The following PDE4D variants were observed in gnomAD, a reference collection of about 807,000 sequenced individuals.
The protein encoded by PDE4D is phosphodiesterase 4D, also known as 3',5'-cyclic-AMP phosphodiesterase 4D.
A neutral mutation model predicts 87.4 loss-of-function variants in PDE4D; 24 were observed. The observed-to-expected ratio is 0.27, with a 90% CI of 0.20 to 0.39. The LOEUF (loss-of-function observed/expected upper bound fraction) is 0.39, where lower values mean the gene tolerates loss of function less well. Ranked by LOEUF, PDE4D falls within the 10% of genes least tolerant of loss-of-function variation. The pLI is 1.00. For synonymous variants in PDE4D, 384 were observed against 383.2 expected (o/e 1.00, Z -0.02); for missense variants, 714 against 1,041.0 (o/e 0.69, Z 4.32).
intron 5 of PDE4D, among the ~76,000 whole-genome samples, chr5:59,117,495 T>A (rs1382543504): frequency 1.3e-5 from 2 of 152,026 alleles, no homozygotes; most frequent in Non-Finnish European, 2.9e-5. Context: ...GAGTGTTTGT[T>A]CCTTTTTATT....
intron 3 of PDE4D, among the ~76,000 whole-genome samples, chr5:59,971,458 T>C (rs1219342407): frequency 6.6e-6 from 1 of 151,988 alleles, no homozygotes; most frequent in Non-Finnish European, 1.5e-5. Flanking sequence ...AGCACTTATA[T>C]AGGAAGAATA....
chr5:60,252,032 G>A (rs1278167464), intron 1 of PDE4D, among the ~76,000 whole-genome samples: 2 of 151,918 alleles, frequency 1.3e-5, no homozygotes, highest in Non-Finnish European at 2.9e-5. Flanking sequence ...TGCCCACAGT[G>A]TTCAGTGCAG....
chr5:60,098,710 G>T (rs1008322559), intron 2 of PDE4D, among the ~76,000 whole-genome samples: 1 of 151,974 alleles, frequency 6.6e-6, no homozygotes, highest in Non-Finnish European at 1.5e-5. Context: ...CATGCCTTAT[G>T]CAAATAGAGA....
intron 1 of PDE4D, among the ~76,000 whole-genome samples, chr5:60,485,674 G>A (rs530676230): frequency 6.6e-6 from 1 of 150,780 alleles, no homozygotes; most frequent in African/African-American, 2.5e-5. Flanking sequence ...ATTGAGAGGA[G>A]TGGATAGAAG....
chr5:59,120,613 A>G (rs567291966), intron 5 of PDE4D, among the ~76,000 whole-genome samples: 4 of 152,270 alleles, frequency 2.6e-5, no homozygotes, highest in African/African-American at 9.6e-5. Context: ...GCTCAAAGCA[A>G]TCTACAGATT....
At chr5:59,216,031 G>A (rs1009390628) in intron 1 of PDE4D, 63 bp from the exon 2 acceptor site, 17 of 1,230,888 alleles carry the variant, frequency 1.4e-5, no homozygotes, top group Non-Finnish European at 1.9e-5. Flanking sequence ...TTTTCAAAAA[G>A]CATTTAGCGT....
At chr5:59,569,912 TG>T (rs992554972) in intron 1 of PDE4D, among the ~76,000 whole-genome samples, 2 of 152,222 alleles carry the variant, frequency 1.3e-5, no homozygotes, top group African/African-American at 4.8e-5. Context: ...CTCTTTATTT[TG>T]GGTTATTCTG....
intron 1 of PDE4D, among the ~76,000 whole-genome samples, chr5:60,285,462 C>CA (rs938636688): frequency 2.2e-3 from 315 of 144,316 alleles, no homozygotes; most frequent in African/African-American, 5.0e-3. Flanking sequence ...AAAGAACAAA[C>CA]AAAAAAAAAA....
chr5:59,085,175 G>T (rs1767443828), intron 5 of PDE4D, among the ~76,000 whole-genome samples: 1 of 152,054 alleles, frequency 6.6e-6, no homozygotes, highest in African/African-American at 2.4e-5. Flanking sequence ...TTTAATAATA[G>T]AAAATTGCTT....
chr5:59,311,565 C>G (rs1158613975), intron 1 of PDE4D, among the ~76,000 whole-genome samples: 1 of 150,516 alleles, frequency 6.6e-6, no homozygotes, highest in African/African-American at 2.4e-5. Context: ...GGACTCTTTC[C>G]TCTTCCTTAC....
At position 60,079,889 on chromosome 5, in the gene PDE4D, A is replaced by C. The variant is rs549255537; in HGVS notation, c.43-91172T>G. 2.6e-5 allele frequency among the ~76,000 whole-genome samples: 4 copies of C among 152,238 alleles called. No homozygotes were observed. The East Asian group carries it at 7.7e-4, about 29-fold the overall frequency. ...TATTTGAATCCATATGAAACTTAAA[A>C]TAGTCTTTTCTAATTCTGTGAAGAA... On this transcript the variant is annotated intron_variant, in intron 2 of 16. Coordinates refer to the PDE4D transcript ENST00000502484.
At chr5:59,630,890 G>T (rs944452122) in intron 1 of PDE4D, among the ~76,000 whole-genome samples, 5 of 152,042 alleles carry the variant, frequency 3.3e-5, no homozygotes, top group Non-Finnish European at 7.4e-5. Context: ...TAGACCCTTG[G>T]CTGAGTCACT....
At chr5:60,312,548 G>A (rs115790768) in intron 1 of PDE4D, among the ~76,000 whole-genome samples, 4,193 of 152,224 alleles carry the variant, frequency 0.028, 168 homozygotes, top group African/African-American at 0.095. Context: ...TTCACAAGGC[G>A]GCAGGATGGA....
chr5:60,376,581 A>G (rs1172705985), intron 1 of PDE4D, among the ~76,000 whole-genome samples: 1 of 152,182 alleles, frequency 6.6e-6, no homozygotes, highest in East Asian at 1.9e-4. Flanking sequence ...TAAAACACTC[A>G]GTAGCTCTTC....
intron 5 of PDE4D, among the ~76,000 whole-genome samples, chr5:59,108,781 G>A (rs915432916): frequency 1.3e-5 from 2 of 151,934 alleles, no homozygotes; most frequent in East Asian, 3.9e-4. Context: ...GCAGGTGCCT[G>A]TAATCTCAGC....
At chr5:59,436,505 C>A (rs1012307927) in intron 1 of PDE4D, among the ~76,000 whole-genome samples, 7 of 152,150 alleles carry the variant, frequency 4.6e-5, no homozygotes, top group Non-Finnish European at 1.0e-4. Flanking sequence ...TAAGTAGTTT[C>A]TCAGAAATTT....
Position 60,114,668 on chromosome 5 carries a change from A to C in PDE4D, c.42+70889T>G, listed in dbSNP as rs538527115. On this transcript the variant is annotated intron_variant, in intron 2 of 16. Coordinates refer to the PDE4D transcript ENST00000502484. The stretch of plus-strand genomic sequence containing the variant: ...ATGTTGCCCCAAAATGCTTTGCTTT[A>C]CATGAAGTAAAAATCTCACCAGGCT... Among the ~76,000 whole-genome samples the C allele has an allele frequency of 9.2e-5, 14 of 152,260 alleles. 1 individual carries two copies. The South Asian group carries it at 2.7e-3, about 29-fold the overall frequency.
chr5:59,433,151 A>G lies in PDE4D; in HGVS notation c.456-217183T>C, dbSNP rs112482883. 7.2e-5 allele frequency among the ~76,000 whole-genome samples: 11 copies of G among 152,200 alleles called. 2 individuals carry two copies. The highest frequency in any genetic ancestry group is 2.6e-4 in the African/African-American group (11 of 41,534). On this transcript the variant is annotated intron_variant, in intron 1 of 14. Transcript: ENST00000340635. ...TTTCACATGCCAGCTAATTTAGGAG[A>G]TTGCCCAGTAGAAGAGAATAAGATT... is the stretch of plus-strand genomic sequence containing the variant.
chr5:60,217,286 T>C (rs1193099562), intron 1 of PDE4D, among the ~76,000 whole-genome samples: 3 of 151,962 alleles, frequency 2.0e-5, no homozygotes, highest in South Asian at 4.1e-4. Flanking sequence ...GTTTAATGAA[T>C]ACAGAGTTTT....
Sources: gnomAD v4.1 joint callset for allele counts (sites outside exome capture counted in the v4.1 genomes callset) on GRCh38, gnomAD v4.1.1 for gene constraint, MANE v1.5 for transcripts, NCBI Gene and HGNC (gene_info 2026-07-23, HGNC 2026-07-21) for gene names.